NIFK: variants seen among roughly 807,000 people sequenced by gnomAD.
NIFK encodes the protein MKI67 FHA domain-interacting nucleolar phosphoprotein.
Under a neutral mutation model 31.7 loss-of-function variants are expected in NIFK, and 16 were observed. The observed-to-expected ratio is 0.50, with a 90% CI of 0.34 to 0.77. The LOEUF (loss-of-function observed/expected upper bound fraction) is 0.77, where lower values mean the gene tolerates loss of function less well. Ranked by LOEUF, NIFK falls within the 30% of genes least tolerant of loss-of-function variation. The probability of loss-of-function intolerance (pLI) is 0.01; values close to 1 mark genes in which losing one functional copy is unlikely to be tolerated. For missense variants in NIFK, 341 were observed against 350.4 expected (o/e 0.97, Z 0.21); for synonymous variants, 126 against 123.0 (o/e 1.02, Z -0.16).
rs2106441212 is a variant in NIFK at position 121,728,294 on chromosome 2, A to G, written c.687T>C (p.Asp229=). ...GTLDTPEKTV[D]SQGPTPVCTP... Reference sequence around the variant, plus strand: ...GTATTGAAAACCATTTTACCTGGCTATCCACAGTCTTCTCAGGAGTGTCAA... The same window carrying G: ...GTATTGAAAACCATTTTACCTGGCTGTCCACAGTCTTCTCAGGAGTGTCAA... The change falls in exon 6 of 7, where the codon GAT becomes GAC. Residue 229 remains aspartate, a synonymous_variant. Coordinates refer to ENST00000285814, the MANE Select transcript of NIFK (RefSeq NM_032390.5). 6.3e-7 allele frequency: 1 copy of G among 1,597,380 alleles called. No homozygotes were observed. Among genetic ancestry groups the G allele is most frequent in the Non-Finnish European group, 8.5e-7 (1 of 1,170,682 alleles).
At chr2:121,730,020 C>T (rs1261266873) in intron 4 of NIFK, among the ~76,000 whole-genome samples, 1 of 152,082 alleles carries the variant, frequency 6.6e-6, no homozygotes, top group East Asian at 1.9e-4. Flanking sequence ...CGAGACCAGA[C>T]TGACCAACAT....
At position 121,728,546 on chromosome 2, in the gene NIFK, A is replaced by G; in HGVS notation, c.565-10T>C. The G allele has an allele frequency of 2.0e-6, 3 of 1,510,372 alleles. No individual in the cohort carries two copies. The highest frequency in any genetic ancestry group is 2.7e-6 in the Non-Finnish European group (3 of 1,103,532). The allele number at this position is 1,510,372 out of a possible 1,614,324, so 93.6% of individuals were successfully genotyped here. A position where few individuals can be genotyped will look rare whatever the true frequency, so the allele number is the denominator to read the frequency against. On this transcript the variant is annotated splice_polypyrimidine_tract_variant and intron_variant, in intron 4 of 6. Transcript: ENST00000285814. ...CCGTTTTCTGTAAAATCTTTAATAA[A>G]GAAGTTAGAAATTGACACTCATATC...
rs1183597605 is a variant in NIFK, at chr2:121,728,029, T to A, written c.694-117A>T. Reference sequence around the variant, plus strand: ...TTGTGCCCCATTATTTTAGCTCTGTTACCATCTTTTGGTGATACTATTGCA... The same window carrying A: ...TTGTGCCCCATTATTTTAGCTCTGTAACCATCTTTTGGTGATACTATTGCA... On this transcript the variant is annotated intron_variant, in intron 6 of 6. Transcript: ENST00000285814. 4.0e-6 allele frequency: 4 copies of A among 990,078 alleles called. No individual in the cohort carries two copies. In the African/African-American group the frequency reaches 6.6e-5, roughly 16 times the overall value. 61.3% of individuals were successfully genotyped at this position (990,078 alleles called of 1,614,324 possible). A position where few individuals can be genotyped will look rare whatever the true frequency, so the allele number is the denominator to read the frequency against.
Position 121,734,386 on chromosome 2 carries a change from G to T in NIFK, c.243+1227C>A, listed in dbSNP as rs560746579. 2.6e-5 allele frequency among the ~76,000 whole-genome samples: 4 copies of T among 152,178 alleles called. No homozygotes were observed. The East Asian group carries it at 7.7e-4, about 29-fold the overall frequency. Reference sequence around the variant, plus strand: ...GATTATTGAATACAAAAATTCAGCTGAAGAATGATAGAGTAATATAATTTT... The same window carrying T: ...GATTATTGAATACAAAAATTCAGCTTAAGAATGATAGAGTAATATAATTTT... On this transcript the variant is annotated intron_variant, in intron 2 of 6. Transcript: ENST00000285814.
Position 121,727,321 on chromosome 2 carries a change from G to A in NIFK, c.*403C>T, listed in dbSNP as rs1256997201. ...GTTGAAATCTAAAGCACCTCCATGAGTTAAATGTCCCCGACAAACCATGTA... is the reference window on the plus strand; with the variant it reads ...GTTGAAATCTAAAGCACCTCCATGAATTAAATGTCCCCGACAAACCATGTA... On this transcript the variant is annotated 3_prime_UTR_variant, in exon 7 of 7. Coordinates refer to ENST00000285814, the MANE Select transcript of NIFK (RefSeq NM_032390.5). 4 of 451,124 alleles carry A rather than the reference G, an allele frequency of 8.9e-6. No individual in the cohort carries two copies. Among genetic ancestry groups the A allele is most frequent in the Admixed American group, 5.3e-5 (2 of 37,768 alleles). 27.9% of individuals were successfully genotyped at this position (451,124 alleles called of 1,614,324 possible). A position where few individuals can be genotyped will look rare whatever the true frequency, so the allele number is the denominator to read the frequency against.
intron 3 of NIFK, 135 bp from the exon 4 acceptor site, chr2:121,731,239 C>G: frequency 1.7e-6 from 1 of 605,512 alleles, no homozygotes; most frequent in South Asian, 2.1e-5. Flanking sequence ...TCTCTCACAG[C>G]AATGCGAAGT....
At chr2:121,736,122 C>T (rs369749419) in intron 1 of NIFK, among the ~76,000 whole-genome samples, 72 of 152,320 alleles carry the variant, frequency 4.7e-4, no homozygotes, top group African/African-American at 1.7e-3. Context: ...ATTTTCGATA[C>T]GCTTGTTAAC....
Position 121,736,838 on chromosome 2 carries a change from A to G in NIFK, c.13T>C (p.Ser5Pro). The change falls in exon 1 of 7, where the codon TCT (serine) becomes CCT (proline). Residue 5 changes from serine (S) to proline (P), a missense_variant. Physicochemically the swap from Ser to Pro is moderately conservative, Grantham distance 74. Coordinates refer to ENST00000285814, the MANE Select transcript of NIFK (RefSeq NM_032390.5). Reference sequence around the variant, plus strand: ...GACAGGATTGGCCCAGCCGGGCCAGAAAAAGTCGCCATGCCAAAAGCCGCC... The same window carrying G: ...GACAGGATTGGCCCAGCCGGGCCAGGAAAAGTCGCCATGCCAAAAGCCGCC... MATF[S>P]GPAGPILSLN... is the part of the protein sequence containing the mutation. 6.2e-7 allele frequency: 1 copy of G among 1,613,924 alleles called. No individual in the cohort carries two copies.
rs151148873 is a variant in NIFK, at chr2:121,730,970, C to T, written c.487G>A (p.Glu163Lys). The T allele has an allele frequency of 1.3e-4, 206 of 1,613,274 alleles. 2 individuals carry two copies. In the Admixed American group the frequency reaches 1.9e-3, roughly 15 times the overall value. ...AATCTTTCTTTCTTTTTAAATCGCT[C>T]CTCCATCCGTAGCTTTTGTGTTAGT... ...RTLTQKLRME[E>K]RFKKKERLLR... Residue 163 changes from glutamate (E) to lysine (K), a missense_variant, in exon 4 of 7, where the codon GAG becomes AAG. Glu to Lys is a moderately conservative substitution (Grantham distance 56). Transcript: ENST00000285814.
chr2:121,736,762 C>T lies in NIFK; in HGVS notation c.89G>A (p.Arg30His). Residue 30 changes from arginine to histidine, a missense_variant, in exon 1 of 7, where the codon CGC becomes CAC. By Grantham distance (29) the Arg-to-His change is conservative. Coordinates refer to ENST00000285814, the MANE Select transcript of NIFK (RefSeq NM_032390.5). ...VEFQKEVAQV[R>H]KRITQRKKQE... Reference sequence around the variant, plus strand: ...CCTGCTCACCTGGGTTATGCGCTTGCGAACCTGCGCCACCTCCTTTTGAAA... The same window carrying T: ...CCTGCTCACCTGGGTTATGCGCTTGTGAACCTGCGCCACCTCCTTTTGAAA... 6.2e-7 allele frequency: 1 copy of T among 1,613,966 alleles called. No individual in the cohort carries two copies. The highest frequency in any genetic ancestry group is 8.5e-7 in the Non-Finnish European group (1 of 1,179,800).
intron 1 of NIFK, among the ~76,000 whole-genome samples, chr2:121,736,484 C>T (rs772546335): frequency 1.3e-5 from 2 of 152,258 alleles, no homozygotes; most frequent in African/African-American, 2.4e-5. Flanking sequence ...CCGTTACCCT[C>T]CACATGAAGG....
At chr2:121,730,268 C>A (rs1455540663) in intron 4 of NIFK, 1 of 157,034 alleles carries the variant, frequency 6.4e-6, no homozygotes, top group Non-Finnish European at 1.4e-5. Flanking sequence ...TGCAGTGGCT[C>A]ACGCCTGTAA....
At chr2:121,730,802 GGTAAGTGCTA>G in intron 4 of NIFK, 81 bp downstream of exon 4, 1 of 829,262 alleles carries the variant, frequency 1.2e-6, no homozygotes, top group Non-Finnish European at 2.0e-6. Flanking sequence ...TCAAGATTGT[GGTAAGTGCTA>G]GGCTAGGTAC....
chr2:121,730,764 G>C (rs2074532456), intron 4 of NIFK, 129 bp downstream of exon 4: 2 of 672,996 alleles, frequency 3.0e-6, no homozygotes, highest in Non-Finnish European at 2.7e-6. Flanking sequence ...AGAATTGCTT[G>C]AACCCAGGAT....
chr2:121,729,572 TTTC>T (rs1216563211), intron 4 of NIFK, among the ~76,000 whole-genome samples: 1 of 152,080 alleles, frequency 6.6e-6, no homozygotes, highest in South Asian at 2.1e-4. Context: ...TGACAATCTT[TTTC>T]TTTTTTAGCG....
At chr2:121,735,095 T>A (rs1431407775) in intron 2 of NIFK, among the ~76,000 whole-genome samples, 1 of 152,236 alleles carries the variant, frequency 6.6e-6, no homozygotes, top group East Asian at 1.9e-4. Context: ...ATTATACTTA[T>A]ATAGTGTTTA....
chr2:121,729,328 A>G (rs2074519337), intron 4 of NIFK, among the ~76,000 whole-genome samples: 1 of 149,726 alleles, frequency 6.7e-6, no homozygotes, highest in African/African-American at 2.5e-5. Flanking sequence ...AGATAGTGCC[A>G]CTGCACTCCA....
chr2:121,734,053 C>T (rs1160611490), intron 2 of NIFK, among the ~76,000 whole-genome samples: 1 of 152,024 alleles, frequency 6.6e-6, no homozygotes, highest in Non-Finnish European at 1.5e-5. Flanking sequence ...CTTGGGAGGC[C>T]GAGGTGGGCG....
intron 2 of NIFK, among the ~76,000 whole-genome samples, chr2:121,732,919 A>C (rs902634634): frequency 1.3e-5 from 2 of 151,852 alleles, no homozygotes; most frequent in Non-Finnish European, 2.9e-5. Context: ...CATCTCTACT[A>C]AAAATACAAA....
Sources: gnomAD v4.1 joint callset for allele counts (sites outside exome capture counted in the v4.1 genomes callset) on GRCh38, gnomAD v4.1.1 for gene constraint, MANE v1.5 for transcripts, NCBI Gene and HGNC (gene_info 2026-07-23, HGNC 2026-07-21) for gene names.